FBXW7: variants seen among roughly 807,000 people sequenced by gnomAD.
FBXW7 encodes F-box and WD repeat domain containing 7, also known as F-box/WD repeat-containing protein 7.
A neutral mutation model predicts 86.3 loss-of-function variants in FBXW7; 11 were observed. The ratio of observed to expected loss-of-function variants is 0.13; its 90% CI spans 0.08 to 0.21. The LOEUF is 0.21. Among genes scored for constraint, FBXW7 ranks in the 10% least tolerant of loss-of-function variants. The probability of loss-of-function intolerance (pLI) is 1.00; values close to 1 mark genes in which losing one functional copy is unlikely to be tolerated. For synonymous variants in FBXW7, 313 were observed against 297.9 expected (o/e 1.05, Z -0.52); for missense variants, 488 against 847.4 (o/e 0.58, Z 5.27).
At chr4:152,462,685 T>C (rs1743061783) in intron 2 of FBXW7, among the ~76,000 whole-genome samples, 1 of 152,242 alleles carries the variant, frequency 6.6e-6, no homozygotes, top group Non-Finnish European at 1.5e-5. Flanking sequence ...TTTCCATGGC[T>C]TTTAAAACAG....
intron 2 of FBXW7, among the ~76,000 whole-genome samples, chr4:152,483,397 G>C (rs543027560): frequency 4.0e-5 from 6 of 149,954 alleles, no homozygotes; most frequent in Admixed American, 6.6e-5. Flanking sequence ...GCTCTTTATA[G>C]GGAAAAAAAA....
intron 4 of FBXW7, among the ~76,000 whole-genome samples, chr4:152,362,131 C>T (rs1733021718): frequency 6.6e-6 from 1 of 152,046 alleles, no homozygotes; most frequent in Non-Finnish European, 1.5e-5. Flanking sequence ...GGAATGATGA[C>T]TATTAAACAA....
chr4:152,377,598 C>CAAA (rs545737337), intron 4 of FBXW7, among the ~76,000 whole-genome samples: 141 of 128,600 alleles, frequency 1.1e-3, no homozygotes, highest in African/African-American at 3.7e-3. Flanking sequence ...CTAAAAATAT[C>CAAA]AAAAAAAAAA....
chr4:152,460,006 T>G (rs957465706), intron 2 of FBXW7, among the ~76,000 whole-genome samples: 2 of 152,226 alleles, frequency 1.3e-5, no homozygotes, highest in Non-Finnish European at 2.9e-5. Flanking sequence ...GGGAAATTAC[T>G]GCTTAGTAGG....
chr4:152,406,905 G>A (rs537470224), intron 4 of FBXW7, among the ~76,000 whole-genome samples: 21 of 152,248 alleles, frequency 1.4e-4, no homozygotes, highest in East Asian at 5.8e-4. Context: ...CAACCGCTGC[G>A]GGGAATGAAG....
chr4:152,457,264 T>C (rs1431837942), intron 2 of FBXW7, among the ~76,000 whole-genome samples: 1 of 152,184 alleles, frequency 6.6e-6, no homozygotes, highest in Non-Finnish European at 1.5e-5. Context: ...TTAAGGGTGA[T>C]GTATATATTC....
chr4:152,390,119 T>C (rs1398263085), intron 4 of FBXW7, among the ~76,000 whole-genome samples: 2 of 151,948 alleles, frequency 1.3e-5, no homozygotes, highest in African/African-American at 4.8e-5. Flanking sequence ...TATATATTTT[T>C]TTCCTCTCCT....
chr4:152,472,419 T>A (rs1319956055), intron 2 of FBXW7, among the ~76,000 whole-genome samples: 1 of 152,036 alleles, frequency 6.6e-6, no homozygotes, highest in South Asian at 2.1e-4. Flanking sequence ...AAGGGAGAAA[T>A]AAACTAAGGA....
chr4:152,399,919 A>G (rs1335171765), intron 4 of FBXW7, among the ~76,000 whole-genome samples: 1 of 152,152 alleles, frequency 6.6e-6, no homozygotes, highest in Non-Finnish European at 1.5e-5. Context: ...ACCAATCAAA[A>G]TCCCAGCAAG....
intron 2 of FBXW7, among the ~76,000 whole-genome samples, chr4:152,502,224 CTTAAT>C (rs1011308950): frequency 2.2e-4 from 33 of 152,222 alleles, no homozygotes; most frequent in African/African-American, 6.7e-4. Flanking sequence ...TTTAGTTGTA[CTTAAT>C]TTAAATTTAA....
intron 2 of FBXW7, among the ~76,000 whole-genome samples, chr4:152,450,980 T>C (rs1260735075): frequency 1.3e-5 from 2 of 152,242 alleles, no homozygotes; most frequent in East Asian, 1.9e-4. Context: ...ATAAGCAATA[T>C]GACGTATTTT....
intron 4 of FBXW7, among the ~76,000 whole-genome samples, chr4:152,409,314 CT>C (rs560523094): frequency 1.3e-5 from 2 of 152,140 alleles, no homozygotes; most frequent in Non-Finnish European, 2.9e-5. Context: ...TTGAATGAAA[CT>C]ATGGTCTAGG....
intron 10 of FBXW7, chr4:152,329,009 A>G (rs1729314757): frequency 6.6e-6 from 1 of 151,484 alleles, no homozygotes; most frequent in South Asian, 2.1e-4. Flanking sequence ...AAAGACATGG[A>G]TTTTTTTTTG....
chr4:152,357,304 T>G (rs1335981885), intron 4 of FBXW7, among the ~76,000 whole-genome samples: 4 of 151,970 alleles, frequency 2.6e-5, no homozygotes, highest in African/African-American at 9.7e-5. Flanking sequence ...TTTAATATAA[T>G]TACAGAAGTA....
At chr4:152,463,859 G>C (rs564317631) in intron 2 of FBXW7, among the ~76,000 whole-genome samples, 1 of 152,276 alleles carries the variant, frequency 6.6e-6, no homozygotes, top group South Asian at 2.1e-4. Context: ...TTATATATAA[G>C]TGGTATATAA....
chr4:152,379,585 C>T (rs945477032), intron 4 of FBXW7, among the ~76,000 whole-genome samples: 1 of 152,098 alleles, frequency 6.6e-6, no homozygotes, highest in Admixed American at 6.5e-5. Flanking sequence ...GTGGTGCCAT[C>T]ACAGCTCACT....
intron 2 of FBXW7, among the ~76,000 whole-genome samples, chr4:152,527,869 C>T (rs950624815): frequency 0.016 from 2,269 of 143,618 alleles, 24 homozygotes; most frequent in African/African-American, 0.02. Flanking sequence ...ATTATATACA[C>T]ACACACACAC....
chr4:152,524,852 A>C (rs1439493642), intron 2 of FBXW7, among the ~76,000 whole-genome samples: 3 of 152,240 alleles, frequency 2.0e-5, no homozygotes, highest in Non-Finnish European at 4.4e-5. Context: ...CATAACACTC[A>C]GTAGAAAAAG....
intron 7 of FBXW7, among the ~76,000 whole-genome samples, chr4:152,336,869 T>C (rs966953575): frequency 6.6e-6 from 1 of 152,038 alleles, no homozygotes; most frequent in African/African-American, 2.4e-5. Flanking sequence ...TTAGGATATT[T>C]AGAATGATAA....
Sources: gnomAD v4.1 joint callset for allele counts (sites outside exome capture counted in the v4.1 genomes callset) on GRCh38, gnomAD v4.1.1 for gene constraint, MANE v1.5 for transcripts, NCBI Gene and HGNC (gene_info 2026-07-23, HGNC 2026-07-21) for gene names.